Variants in TMEM131L observed in about 807,000 individuals in gnomAD.
The protein encoded by TMEM131L is transmembrane 131 like, also known as transmembrane protein 131-like.
A neutral mutation model predicts 192.2 loss-of-function variants in TMEM131L; 54 were observed. The ratio of observed to expected loss-of-function variants is 0.28; its 90% CI spans 0.23 to 0.35. TMEM131L has a LOEUF of 0.35. TMEM131L is among the 10% of genes least tolerant of loss of function. The pLI is 1.00. For synonymous variants in TMEM131L, 701 were observed against 704.9 expected (o/e 0.99, Z 0.09); for missense variants, 1,888 against 1,972.9 (o/e 0.96, Z 0.82).
chr4:153,501,386 G>A (rs1733598716), intron 3 of TMEM131L, among the ~76,000 whole-genome samples: 2 of 151,988 alleles, frequency 1.3e-5, no homozygotes, highest in African/African-American at 2.4e-5. Flanking sequence ...ATTTTTAGGA[G>A]AGACAGGGTT....
chr4:153,523,106 G>GT (rs1398063221), intron 3 of TMEM131L, among the ~76,000 whole-genome samples: 6 of 152,120 alleles, frequency 3.9e-5, no homozygotes, highest in Non-Finnish European at 5.9e-5. Flanking sequence ...AAAAAAAATA[G>GT]TTTAAGGCCA....
chr4:153,546,653 C>T (rs1415705422), intron 3 of TMEM131L, among the ~76,000 whole-genome samples: 2 of 152,204 alleles, frequency 1.3e-5, no homozygotes, highest in African/African-American at 2.4e-5. Flanking sequence ...TTGAGCCAGG[C>T]GCAGTGGCTC....
chr4:153,487,719 T>A (rs113304388), intron 3 of TMEM131L, among the ~76,000 whole-genome samples: 322 of 143,514 alleles, frequency 2.2e-3, no homozygotes, highest in Non-Finnish European at 3.5e-3. Flanking sequence ...TGTGTGTGTG[T>A]GAGAGAGAGA....
At chr4:153,575,991 A>T (rs1578780694) in intron 7 of TMEM131L, among the ~76,000 whole-genome samples, 1 of 150,480 alleles carries the variant, frequency 6.6e-6, no homozygotes, top group East Asian at 2.0e-4. Context: ...ATGAAGTCTC[A>T]CGCTGTTGCC....
intron 26 of TMEM131L, among the ~76,000 whole-genome samples, chr4:153,617,462 C>G (rs1157252367): frequency 2.6e-5 from 4 of 152,202 alleles, no homozygotes; most frequent in African/African-American, 9.7e-5. Context: ...ATGCTACTTT[C>G]ATTCTCCTCT....
intron 17 of TMEM131L, among the ~76,000 whole-genome samples, chr4:153,591,934 GC>G (rs1311380373): frequency 6.6e-6 from 1 of 152,208 alleles, no homozygotes; most frequent in Non-Finnish European, 1.5e-5. Flanking sequence ...TGCCACACTT[GC>G]TTGAACATTC....
At chr4:153,580,187 AT>A (rs1730240213) in intron 7 of TMEM131L, among the ~76,000 whole-genome samples, 1 of 151,928 alleles carries the variant, frequency 6.6e-6, no homozygotes, top group Admixed American at 6.6e-5. Context: ...TTGATTTTTC[AT>A]TTTCCTTTTC....
At chr4:153,580,945 G>C in intron 8 of TMEM131L, 42 bp downstream of exon 8, 1 of 1,355,168 alleles carries the variant, frequency 7.4e-7, no homozygotes, top group South Asian at 1.2e-5. Flanking sequence ...CTTTCCTCCT[G>C]CCTCTTTGCT....
At chr4:153,579,548 T>A (rs1261937806) in intron 7 of TMEM131L, among the ~76,000 whole-genome samples, 1 of 152,216 alleles carries the variant, frequency 6.6e-6, no homozygotes, top group African/African-American at 2.4e-5. Flanking sequence ...CACGGTTCAC[T>A]ACAGCCTTGA....
chr4:153,488,116 TGAGA>T (rs1207507153), intron 3 of TMEM131L, among the ~76,000 whole-genome samples: 3 of 147,916 alleles, frequency 2.0e-5, no homozygotes, highest in Non-Finnish European at 4.5e-5. Flanking sequence ...TGTGTGTGTG[TGAGA>T]GAGAGACCGA....
At chr4:153,633,069 A>T (rs373643655) in intron 32 of TMEM131L, among the ~76,000 whole-genome samples, 195 of 152,266 alleles carry the variant, frequency 1.3e-3, no homozygotes, top group African/African-American at 4.4e-3. Flanking sequence ...GTTATTTTTT[A>T]AAAACGTCTT....
chr4:153,585,545 C>T lies in TMEM131L; in HGVS notation c.1245C>T (p.Asn415=). The stretch of plus-strand genomic sequence containing the variant: ...GACTTTGGTCAATATGGTACCGCAA[C>T]CATTTTGACCGTAGTGTTGTATTAA... ...TSGLWSIWYR[N]HFDRSVVLND... Residue 415 remains asparagine (N), a synonymous_variant, in exon 13 of 35, where the codon AAC becomes AAT. Transcript: ENST00000409959. 6.2e-7 allele frequency: 1 copy of T among 1,614,024 alleles called. No individual in the cohort carries two copies. The highest frequency in any genetic ancestry group is 2.2e-5 in the East Asian group (1 of 44,880).
intron 18 of TMEM131L, among the ~76,000 whole-genome samples, 157 bp downstream of exon 18, chr4:153,592,741 G>A (rs766151384): frequency 2.4e-4 from 36 of 152,242 alleles, no homozygotes; most frequent in African/African-American, 8.0e-4. Flanking sequence ...GCCCCTTGGT[G>A]CATGTGATTT....
At chr4:153,625,852 G>A (rs1733805428) in intron 29 of TMEM131L, among the ~76,000 whole-genome samples, 2 of 150,642 alleles carry the variant, frequency 1.3e-5, no homozygotes, top group South Asian at 4.2e-4. Flanking sequence ...AAGTTGCAGT[G>A]TGCCGAGATC....
In TMEM131L at chr4:153,487,338, A is replaced by G. The variant is rs78907821; in HGVS notation, c.239+13450A>G. ...CCTAGAATCCGTACGTATTCTCTTC[A>G]TAGGGTATGGAGTGTTAGCTGGTGG... On this transcript the variant is annotated intron_variant, in intron 3 of 34. Coordinates refer to ENST00000409959, the MANE Select transcript of TMEM131L (RefSeq NM_001131007.2). Among the ~76,000 whole-genome samples the G allele has an allele frequency of 1.3e-4, 20 of 152,200 alleles. No homozygotes were observed. The East Asian group carries it at 3.7e-3, about 28-fold the overall frequency.
intron 16 of TMEM131L, among the ~76,000 whole-genome samples, chr4:153,589,389 C>T (rs1024099575): frequency 2.0e-5 from 3 of 152,100 alleles, no homozygotes; most frequent in African/African-American, 7.2e-5. Flanking sequence ...AGCACTGTGA[C>T]GCCAGGACAG....
At chr4:153,504,087 C>G (rs1386436615) in intron 3 of TMEM131L, among the ~76,000 whole-genome samples, 2 of 151,564 alleles carry the variant, frequency 1.3e-5, no homozygotes, top group Admixed American at 6.6e-5. Context: ...CTGCCTCAGC[C>G]TCCCGAGTAG....
At chr4:153,506,843 CAAAAAAAA>C (rs369133768) in intron 3 of TMEM131L, among the ~76,000 whole-genome samples, 6,814 of 88,230 alleles carry the variant, frequency 0.077, 235 homozygotes, top group Non-Finnish European at 0.13. Context: ...ACTCTGTATC[CAAAAAAAA>C]AAAAAAAAAA....
At chr4:153,565,775 GAATTAT>G (rs1485156988) in intron 7 of TMEM131L, among the ~76,000 whole-genome samples, 3 of 152,148 alleles carry the variant, frequency 2.0e-5, no homozygotes, top group Non-Finnish European at 4.4e-5. Context: ...GTAGTTCTTT[GAATTAT>G]AATTATGATA....
Sources: allele counts gnomAD v4.1 joint callset (sites outside exome capture counted in the v4.1 genomes callset), GRCh38; gene constraint gnomAD v4.1.1; transcripts MANE v1.5; gene names NCBI Gene and HGNC (gene_info 2026-07-23, HGNC 2026-07-21).